PTPRD: variants seen among roughly 807,000 people sequenced by gnomAD.
The protein encoded by PTPRD is protein tyrosine phosphatase receptor type D.
A neutral mutation model predicts 214.5 loss-of-function variants in PTPRD; 34 were observed. That is an observed-to-expected ratio of 0.16 (90% CI 0.12 to 0.21). The LOEUF is 0.21. Ranked by LOEUF, PTPRD falls within the 10% of genes least tolerant of loss-of-function variation. The pLI, the probability that PTPRD is intolerant of heterozygous loss-of-function variation, is 1.00. For synonymous variants in PTPRD, 1,128 were observed against 845.7 expected (o/e 1.33, Z -5.79); for missense variants, 2,545 against 2,398.7 (o/e 1.06, Z -1.27).
intron 4 of PTPRD, among the ~76,000 whole-genome samples, chr9:9,973,905 T>C (rs901424313): frequency 3.3e-5 from 5 of 152,118 alleles, no homozygotes; most frequent in African/African-American, 1.2e-4. Flanking sequence ...TAATGAAAAA[T>C]TGAGAGGTGA....
At chr9:8,398,036 G>C (rs1168094084) in intron 36 of PTPRD, among the ~76,000 whole-genome samples, 1 of 152,072 alleles carries the variant, frequency 6.6e-6, no homozygotes, top group African/African-American at 2.4e-5. Context: ...GCATTACAGA[G>C]TACTTCAAAT....
At chr9:8,844,556 T>C (rs944882035) in intron 11 of PTPRD, among the ~76,000 whole-genome samples, 2 of 152,192 alleles carry the variant, frequency 1.3e-5, no homozygotes, top group Admixed American at 6.5e-5. Flanking sequence ...TTTTAAAAAA[T>C]TTCTCATAGA....
At chr9:8,997,049 C>G (rs996516811) in intron 11 of PTPRD, among the ~76,000 whole-genome samples, 1 of 152,086 alleles carries the variant, frequency 6.6e-6, no homozygotes, top group Non-Finnish European at 1.5e-5. Flanking sequence ...TCCTCAGTTT[C>G]CTGCACTAGA....
intron 2 of PTPRD, among the ~76,000 whole-genome samples, chr9:10,586,637 A>G (rs2073977857): frequency 6.6e-6 from 1 of 152,112 alleles, no homozygotes; most frequent in African/African-American, 2.4e-5. Context: ...CGGGCATAAG[A>G]CTTTCTCAGA....
At chr9:8,556,852 T>C (rs960554284) in intron 14 of PTPRD, among the ~76,000 whole-genome samples, 1 of 152,184 alleles carries the variant, frequency 6.6e-6, no homozygotes, top group African/African-American at 2.4e-5. Context: ...AACCCATGTC[T>C]TTCATTGATG....
chr9:9,601,429 G>T (rs1411029744), intron 7 of PTPRD, among the ~76,000 whole-genome samples: 1 of 151,784 alleles, frequency 6.6e-6, no homozygotes, highest in East Asian at 1.9e-4. Context: ...GGAATTGATG[G>T]TTATTGTTTC....
intron 5 of PTPRD, among the ~76,000 whole-genome samples, chr9:9,821,617 C>T (rs1299333110): frequency 1.3e-5 from 2 of 152,014 alleles, no homozygotes; most frequent in Non-Finnish European, 2.9e-5. Context: ...GTGTTTTCTT[C>T]CTATGCATAA....
intron 11 of PTPRD, among the ~76,000 whole-genome samples, chr9:8,989,380 C>G (rs947273699): frequency 6.6e-6 from 1 of 152,046 alleles, no homozygotes; most frequent in Admixed American, 6.6e-5. Context: ...TGCTTCTCAG[C>G]CTCTAGTAAT....
At chr9:9,795,715 C>T (rs1371194415) in intron 5 of PTPRD, among the ~76,000 whole-genome samples, 1 of 152,102 alleles carries the variant, frequency 6.6e-6, no homozygotes, top group Non-Finnish European at 1.5e-5. Context: ...GTACTTCAAA[C>T]TGCAAATACA....
At chr9:8,388,743 A>AT (rs2135590830) in intron 37 of PTPRD, among the ~76,000 whole-genome samples, 2 of 152,278 alleles carry the variant, frequency 1.3e-5, no homozygotes, top group South Asian at 4.1e-4. Flanking sequence ...CAGCCACATC[A>AT]TTTTTCCAGC....
chr9:10,227,009 A>T (rs895554711), intron 3 of PTPRD, among the ~76,000 whole-genome samples: 1 of 152,048 alleles, frequency 6.6e-6, no homozygotes, highest in African/African-American at 2.4e-5. Context: ...TGGCAAAATT[A>T]TCAAAACTCT....
In PTPRD at chr9:10,452,238, G is replaced by A. The variant is rs181424135; in HGVS notation, c.-599-111221C>T. 1.4e-3 allele frequency among the ~76,000 whole-genome samples: 208 copies of A among 152,018 alleles called. 2 individuals are homozygous for A. Among genetic ancestry groups the A allele is most frequent in the Non-Finnish European group, 6.9e-4 (47 of 67,816 alleles). ...TCATTAATCCATTGGTGGACACTCA[G>A]GCTTTTCCATACGTTGGTCATTGTG... is the stretch of plus-strand genomic sequence containing the variant. On this transcript the variant is annotated intron_variant, in intron 2 of 45. Transcript: ENST00000381196.
chr9:9,870,251 A>T (rs2153710576), intron 5 of PTPRD, among the ~76,000 whole-genome samples: 1 of 152,172 alleles, frequency 6.6e-6, no homozygotes, highest in East Asian at 1.9e-4. Flanking sequence ...AGATTTTTAA[A>T]ATTCAAAGAA....
chr9:10,161,107 C>T (rs1192414041), intron 3 of PTPRD, among the ~76,000 whole-genome samples: 1 of 151,766 alleles, frequency 6.6e-6, no homozygotes, highest in Non-Finnish European at 1.5e-5. Flanking sequence ...TGTTCATGAA[C>T]TTGAAGAATA....
chr9:8,695,253 C>T (rs2097886858), intron 12 of PTPRD, among the ~76,000 whole-genome samples: 1 of 152,212 alleles, frequency 6.6e-6, no homozygotes, highest in East Asian at 1.9e-4. Context: ...TCAAAAACTC[C>T]CCAGTGTATT....
At chr9:8,531,150 C>A (rs2075587722) in intron 14 of PTPRD, among the ~76,000 whole-genome samples, 2 of 151,858 alleles carry the variant, frequency 1.3e-5, no homozygotes, top group African/African-American at 2.4e-5. Flanking sequence ...ACATCGTCAG[C>A]CAAGCAGAGG....
intron 10 of PTPRD, among the ~76,000 whole-genome samples, chr9:9,023,484 T>C (rs986648004): frequency 1.3e-5 from 2 of 152,114 alleles, no homozygotes; most frequent in East Asian, 1.9e-4. Context: ...AATTATGAAA[T>C]ATGATTTTTC....
intron 3 of PTPRD, among the ~76,000 whole-genome samples, chr9:10,253,710 G>A (rs1410749116): frequency 6.6e-6 from 1 of 152,150 alleles, no homozygotes; most frequent in Non-Finnish European, 1.5e-5. Context: ...TCTATAAAGA[G>A]AAGTTTACTG....
intron 11 of PTPRD, among the ~76,000 whole-genome samples, chr9:8,954,107 C>A (rs1286016492): frequency 6.6e-6 from 1 of 151,854 alleles, no homozygotes; most frequent in African/African-American, 2.4e-5. Context: ...CACCCATTCA[C>A]AATGGACTGG....
Sources: allele counts gnomAD v4.1 joint callset (sites outside exome capture counted in the v4.1 genomes callset), GRCh38; gene constraint gnomAD v4.1.1; transcripts MANE v1.5; gene names NCBI Gene and HGNC (gene_info 2026-07-23, HGNC 2026-07-21).